The following COXFA4L2 variants were observed in gnomAD, a reference collection of about 807,000 sequenced individuals.
The protein encoded by COXFA4L2 is NADH dehydrogenase (ubiquinone) 1 alpha subcomplex, 4-like 2.
chr12:57,239,403 A>C, the COXFA4L2 span: 5 of 151,906 alleles, frequency 3.3e-5, no homozygotes, highest in Admixed American at 3.3e-4. The surrounding 1 kb of genome is among the most constrained non-coding windows in gnomAD (Gnocchi z 5.5). Flanking sequence ...TGCAGCCTCC[A>C]CTCTTCTGGT....
chr12:57,236,503 G>T, the COXFA4L2 span: 1 of 1,116,172 alleles, frequency 9.0e-7, no homozygotes, highest in Non-Finnish European at 1.3e-6. Flanking sequence ...GGTGCATGCA[G>T]CAGGGCACGG....
chr12:57,238,530 C>G, the COXFA4L2 span, among the ~76,000 whole-genome samples: 3 of 152,196 alleles, frequency 2.0e-5, no homozygotes, highest in Non-Finnish European at 4.4e-5. The surrounding 1 kb of genome is among the most constrained non-coding windows in gnomAD (Gnocchi z 6.8). Flanking sequence ...GCACCCCAGC[C>G]CTCCAGTCTC....
chr12:57,238,967 T>C, the COXFA4L2 span, among the ~76,000 whole-genome samples: 4 of 152,340 alleles, frequency 2.6e-5, no homozygotes, highest in African/African-American at 9.6e-5. The surrounding 1 kb of genome is among the most constrained non-coding windows in gnomAD (Gnocchi z 6.8). Flanking sequence ...AATACAGGAC[T>C]CCTTGGGTTC....
chr12:57,236,814 A>T, the COXFA4L2 span: 1 of 938,584 alleles, frequency 1.1e-6, no homozygotes, highest in East Asian at 2.7e-5. Flanking sequence ...TCCTACAACC[A>T]TATTTCCTGG....
the COXFA4L2 span, chr12:57,236,567 G>A: frequency 5.8e-6 from 9 of 1,542,394 alleles, no homozygotes; most frequent in South Asian, 2.4e-5. Flanking sequence ...CCAGGCCCCC[G>A]TGAGCATCCC....
chr12:57,235,504 G>A, the COXFA4L2 span: 1 of 1,569,778 alleles, frequency 6.4e-7, no homozygotes. Context: ...GGGGAGGAGT[G>A]GAAGAAGTGG....
At chr12:57,236,726 G>A in the COXFA4L2 span, 6 of 1,490,142 alleles carry the variant, frequency 4.0e-6, no homozygotes, top group South Asian at 2.5e-5. Context: ...CCCTCTCCCC[G>A]CAGTTCCCAG....
chr12:57,239,853 GTCTCTGTCTTTA>G, the COXFA4L2 span: 1 of 152,546 alleles, frequency 6.6e-6, no homozygotes, highest in East Asian at 1.9e-4. The surrounding 1 kb of genome is among the most constrained non-coding windows in gnomAD (Gnocchi z 5.5). Flanking sequence ...GCCTCTCTTT[GTCTCTGTCTTTA>G]TCTCTGTCTC....
the COXFA4L2 span, chr12:57,237,151 C>G: frequency 6.2e-7 from 1 of 1,613,826 alleles, no homozygotes; most frequent in Non-Finnish European, 8.5e-7. Context: ...GGGGTCCCGC[C>G]CCTGAGTGGG....
the COXFA4L2 span, chr12:57,235,620 C>G: frequency 6.2e-7 from 1 of 1,614,020 alleles, no homozygotes; most frequent in African/African-American, 1.3e-5. Context: ...CTGCAAGGAA[C>G]TAAGAGGAGA....
chr12:57,237,425 G>A, the COXFA4L2 span: 1 of 1,120,432 alleles, frequency 8.9e-7, no homozygotes, highest in Non-Finnish European at 1.2e-6. Context: ...GTGGGAGGAG[G>A]CATGGCCATG....
At chr12:57,240,601 C>G in the COXFA4L2 span, 1 of 932,418 alleles carries the variant, frequency 1.1e-6, no homozygotes, top group Non-Finnish European at 1.3e-6. Context: ...ACGTGCGTCA[C>G]ACTGTCATTC....
the COXFA4L2 span, chr12:57,236,806 C>T: frequency 1.0e-6 from 1 of 983,016 alleles, no homozygotes; most frequent in Non-Finnish European, 1.5e-6. Context: ...CTGGAATCTC[C>T]TACAACCATA....
chr12:57,236,522 C>T, the COXFA4L2 span: 1 of 1,349,878 alleles, frequency 7.4e-7, no homozygotes. Flanking sequence ...GGGATCCCCA[C>T]TAGGGCCGCC....
chr12:57,235,379 G>T, the COXFA4L2 span: 10 of 673,240 alleles, frequency 1.5e-5, no homozygotes, highest in Non-Finnish European at 2.3e-5. Flanking sequence ...AGGCGCTTCC[G>T]CTGCTGGGAG....
the COXFA4L2 span, chr12:57,235,230 C>T: frequency 7.9e-6 from 3 of 382,122 alleles, no homozygotes; most frequent in Non-Finnish European, 1.5e-5. Flanking sequence ...CTCACGTAGG[C>T]CACGCTCAAC....
chr12:57,235,854 C>T, the COXFA4L2 span: 4 of 1,488,620 alleles, frequency 2.7e-6, no homozygotes, highest in African/African-American at 1.4e-5. Context: ...TCCCTGGGAC[C>T]CAGAACTCTG....
At chr12:57,235,072 C>G in the COXFA4L2 span, 1 of 163,618 alleles carries the variant, frequency 6.1e-6, no homozygotes, top group African/African-American at 2.4e-5. Context: ...GAGTGCGCTG[C>G]GCCTCAGGAG....
At chr12:57,239,925 CTG>C in the COXFA4L2 span, 1 of 152,412 alleles carries the variant, frequency 6.6e-6, no homozygotes, top group African/African-American at 2.4e-5. This position sits in a 1 kb window ranked among gnomAD's most constrained non-coding sequence, Gnocchi z 5.5. Context: ...GTTGCTGCCT[CTG>C]GGGACTGAAG....
Sources: gnomAD v4.1 joint callset for allele counts (sites outside exome capture counted in the v4.1 genomes callset) on GRCh38, gnomAD v4.1.1 for gene constraint, Gnocchi (gnomAD v3.1) non-coding constraint, MANE v1.5 for transcripts, NCBI Gene and HGNC (gene_info 2026-07-23, HGNC 2026-07-21) for gene names.